The following LPP variants were observed in gnomAD, a reference collection of about 807,000 sequenced individuals.
LPP encodes the protein LIM domain containing preferred translocation partner in lipoma.
In LPP, 38 loss-of-function variants were observed where a neutral mutation model predicts 60.4. The observed-to-expected ratio is 0.63, with a 90% CI of 0.49 to 0.83. LPP has a LOEUF of 0.83. Ranked by LOEUF, LPP falls within the 40% of genes least tolerant of loss-of-function variation. The probability of loss-of-function intolerance (pLI) is 0.00; values close to 1 mark genes in which losing one functional copy is unlikely to be tolerated. For synonymous variants in LPP, 328 were observed against 290.8 expected (o/e 1.13, Z -1.30); for missense variants, 902 against 783.6 (o/e 1.15, Z -1.80).
At chr3:188,539,332 A>G (rs1027405780) in intron 6 of LPP, among the ~76,000 whole-genome samples, 1 of 152,198 alleles carries the variant, frequency 6.6e-6, no homozygotes, top group African/African-American at 2.4e-5. Flanking sequence ...AGAAAGAAGC[A>G]CATGGAGGGT....
intron 5 of LPP, among the ~76,000 whole-genome samples, chr3:188,524,014 G>A (rs75155776): frequency 0.07 from 10,607 of 152,180 alleles, 841 homozygotes; most frequent in African/African-American, 0.19. Context: ...CAGGTAATAC[G>A]AGGTTCTGAC....
chr3:188,662,073 C>T (rs1036262468), intron 7 of LPP, among the ~76,000 whole-genome samples: 2 of 152,232 alleles, frequency 1.3e-5, no homozygotes, highest in African/African-American at 2.4e-5. Flanking sequence ...AATGTTGACT[C>T]AATCCTGTCC....
chr3:188,812,500 T>A (rs1238166298), intron 9 of LPP, among the ~76,000 whole-genome samples: 2 of 152,180 alleles, frequency 1.3e-5, no homozygotes, highest in Non-Finnish European at 2.9e-5. Flanking sequence ...CTAGAAGAAC[T>A]GAAAAAAGCA....
chr3:188,834,750 C>T (rs866374368), intron 9 of LPP, among the ~76,000 whole-genome samples: 2 of 152,082 alleles, frequency 1.3e-5, no homozygotes, highest in Non-Finnish European at 1.5e-5. Context: ...TTCCATGTCT[C>T]GTGGACCAAA....
At chr3:188,667,216 C>A (rs745725156) in intron 7 of LPP, among the ~76,000 whole-genome samples, 3 of 152,134 alleles carry the variant, frequency 2.0e-5, no homozygotes, top group Non-Finnish European at 2.9e-5. Flanking sequence ...CAATGGCTCA[C>A]GCCTGTAATC....
chr3:188,197,071 T>G (rs1362158096), intron 1 of LPP, among the ~76,000 whole-genome samples: 1 of 152,214 alleles, frequency 6.6e-6, no homozygotes, highest in Non-Finnish European at 1.5e-5. Context: ...GCAAGTGATA[T>G]TTGTTGAGCA....
chr3:188,666,969 T>C (rs1268709459), intron 7 of LPP, among the ~76,000 whole-genome samples: 1 of 152,222 alleles, frequency 6.6e-6, no homozygotes, highest in Non-Finnish European at 1.5e-5. Flanking sequence ...CTTTTATCAC[T>C]GTTTTCTGCA....
intron 9 of LPP, among the ~76,000 whole-genome samples, chr3:188,790,848 G>A (rs192376415): frequency 1.3e-4 from 20 of 151,222 alleles, no homozygotes; most frequent in African/African-American, 2.9e-4. Context: ...AGCATATAGC[G>A]TAGAATTCAG....
chr3:188,556,644 A>G (rs1829538888), intron 6 of LPP, among the ~76,000 whole-genome samples: 1 of 151,874 alleles, frequency 6.6e-6, no homozygotes, highest in African/African-American at 2.4e-5. Context: ...TTTAATCATT[A>G]CATGAATTAA....
chr3:188,251,042 T>C (rs1174538189), intron 2 of LPP, among the ~76,000 whole-genome samples: 1 of 116,418 alleles, frequency 8.6e-6, no homozygotes, highest in Non-Finnish European at 1.8e-5. Context: ...TCCCCTTTTC[T>C]TTCTCTCTCT....
intron 9 of LPP, among the ~76,000 whole-genome samples, chr3:188,838,407 A>G (rs1296208931): frequency 6.6e-6 from 1 of 152,146 alleles, no homozygotes; most frequent in African/African-American, 2.4e-5. Context: ...GTGGTCCTAA[A>G]CATTTGACAT....
chr3:188,578,266 TC>T (rs1262579063), intron 6 of LPP, among the ~76,000 whole-genome samples: 1 of 152,016 alleles, frequency 6.6e-6, no homozygotes, highest in East Asian at 1.9e-4. Context: ...TTCCCCACTT[TC>T]CTTCTCTTCC....
At chr3:188,713,399 AAAG>A (rs1462193638) in intron 8 of LPP, among the ~76,000 whole-genome samples, 4 of 152,118 alleles carry the variant, frequency 2.6e-5, no homozygotes. Context: ...GAAAAAAAAA[AAAG>A]CTGTAAAGGA....
At chr3:188,322,918 A>G (rs148155415) in intron 2 of LPP, among the ~76,000 whole-genome samples, 26 of 152,236 alleles carry the variant, frequency 1.7e-4, no homozygotes, top group African/African-American at 6.0e-4. Context: ...TTTCTCATGT[A>G]TGTCTTATGG....
intron 7 of LPP, among the ~76,000 whole-genome samples, chr3:188,667,554 A>G (rs1213916545): frequency 2.0e-5 from 3 of 151,340 alleles, no homozygotes; most frequent in Admixed American, 6.6e-5. Context: ...ACTCTGTACC[A>G]TAGTTATTGG....
intron 2 of LPP, among the ~76,000 whole-genome samples, chr3:188,239,104 A>G (rs1342305530): frequency 6.6e-6 from 1 of 152,196 alleles, no homozygotes; most frequent in Non-Finnish European, 1.5e-5. Context: ...GCAGGATGGT[A>G]GTGGTGTGCA....
intron 3 of LPP, among the ~76,000 whole-genome samples, chr3:188,346,135 T>C (rs993306160): frequency 4.0e-5 from 6 of 150,892 alleles, no homozygotes; most frequent in African/African-American, 1.5e-4. Flanking sequence ...TAAGTTCCAC[T>C]ACCCATACTT....
In LPP at chr3:188,746,450, T is replaced by C. The variant is rs913241761; in HGVS notation, c.1241-13663T>C. ...GTTTTGTTTCAGAAATAAAGCAAGC[T>C]GTATTTGTTGTAACTATCTCTTCTT... is the stretch of plus-strand genomic sequence containing the variant. On this transcript the variant is annotated intron_variant, in intron 8 of 11. Transcript: ENST00000617246. 1.1e-5 allele frequency: 5 copies of C among 448,370 alleles called. No individual in the cohort carries two copies. The African/African-American group carries it at 1.2e-4, about 11-fold the overall frequency. The allele number at this position is 448,370 out of a possible 1,614,324, so 27.8% of individuals were successfully genotyped here. A position where few individuals can be genotyped will look rare whatever the true frequency, so the allele number is the denominator to read the frequency against.
chr3:188,249,911 T>C, intron 2 of LPP, among the ~76,000 whole-genome samples: 1 of 149,710 alleles, frequency 6.7e-6, no homozygotes, highest in South Asian at 2.1e-4. Context: ...ATTTTTTTTT[T>C]TTCCAGAAGT....
Sources: gnomAD v4.1 joint callset for allele counts (sites outside exome capture counted in the v4.1 genomes callset) on GRCh38, gnomAD v4.1.1 for gene constraint, MANE v1.5 for transcripts, NCBI Gene and HGNC (gene_info 2026-07-23, HGNC 2026-07-21) for gene names.